ASPHD1: variants seen among roughly 807,000 people sequenced by gnomAD.
ASPHD1 encodes the protein aspartate beta-hydroxylase domain containing 1.
ASPHD1 carries 20 observed loss-of-function variants against 28.3 expected under a neutral mutation model. The observed-to-expected ratio is 0.71, with a 90% confidence interval of 0.50 to 1.03. The LOEUF is 1.03. ASPHD1 is among the 50% of genes least tolerant of loss of function. The pLI, the probability that ASPHD1 is intolerant of heterozygous loss-of-function variation, is 0.00. For synonymous variants in ASPHD1, 240 were observed against 221.2 expected, an observed-to-expected ratio of 1.08 and a Z score of -0.75; for missense variants, 479 against 524.1, an observed-to-expected ratio of 0.91 and a Z score of 0.84.
rs1597002078 is a variant in ASPHD1, at chr16:29,901,075, A to G, written c.104A>G (p.Gln35Arg). The G allele has an allele frequency of 1.2e-6, 2 of 1,607,634 alleles. No homozygotes were observed. Among genetic ancestry groups the G allele is most frequent in the Non-Finnish European group, 1.7e-6 (2 of 1,177,338 alleles). The change falls in exon 1 of 3, where the codon CAG becomes CGG. Residue 35 changes from glutamine to arginine, a missense_variant. Physicochemically the swap from Gln to Arg is conservative, Grantham distance 43. Transcript: ENST00000308748. The surrounding 1 kb of genome is among the most constrained non-coding windows in gnomAD (Gnocchi z 5.1). Reference protein sequence around the residue: ...MWKGNSPAGSQGAAMEGTGGE... With the variant: ...MWKGNSPAGSRGAAMEGTGGE... ...AAGGGAAACAGTCCAGCGGGGAGCCAGGGGGCAGCCATGGAAGGGACAGGT... is the reference window on the plus strand; with the variant it reads ...AAGGGAAACAGTCCAGCGGGGAGCCGGGGGGCAGCCATGGAAGGGACAGGT...
At chr16:29,912,865 G>A (rs1358484841) in intron 3 of ASPHD1, among the ~76,000 whole-genome samples, 1 of 152,198 alleles carries the variant, frequency 6.6e-6, no homozygotes, top group Non-Finnish European at 1.5e-5. Context: ...TGTATTTGTT[G>A]AATGAATGAA....
At chr16:29,905,310 AGTTT>A (rs1351263820) in intron 2 of ASPHD1, among the ~76,000 whole-genome samples, 4 of 152,136 alleles carry the variant, frequency 2.6e-5, no homozygotes, top group African/African-American at 9.7e-5. Context: ...GTAATACCAC[AGTTT>A]GTTTTGATGA....
At chr16:29,906,795 C>G (rs970964740), downstream of ASPHD1, 2 of 1,337,908 alleles carry the variant, frequency 1.5e-6, no homozygotes, top group African/African-American at 2.9e-5. Flanking sequence ...AGAGCCGGGG[C>G]AAAAGTCTGG....
chr16:29,906,814 G>C, downstream of ASPHD1: 1 of 1,480,406 alleles, frequency 6.8e-7, no homozygotes, highest in Non-Finnish European at 9.4e-7. Flanking sequence ...GGGAAGGGGA[G>C]GGAAAGAGAG....
At position 29,901,595 on chromosome 16, in the gene ASPHD1, C is replaced by T; in HGVS notation, c.624C>T (p.His208=). The T allele has an allele frequency of 1.3e-6, 2 of 1,545,044 alleles. No homozygotes were observed. Among genetic ancestry groups the T allele is most frequent in the Non-Finnish European group, 1.7e-6 (2 of 1,154,448 alleles). Residue 208 remains histidine, a synonymous_variant, in exon 1 of 3, where the codon CAC becomes CAT. Coordinates refer to ENST00000308748, the MANE Select transcript of ASPHD1 (RefSeq NM_181718.4). This position sits in a 1 kb window ranked among gnomAD's most constrained non-coding sequence, Gnocchi z 5.1. ...TTGTGCCGCGGGACGCCCAGCGGCA[C>T]GACGTGGAGCTCCTGGAGAGCAGCT... ...APFVPRDAQR[H]DVELLESSFP...
downstream of ASPHD1, among the ~76,000 whole-genome samples, chr16:29,908,761 G>A (rs1193620985): frequency 6.6e-6 from 1 of 151,436 alleles, no homozygotes; most frequent in African/African-American, 2.4e-5. Context: ...GGAGTGCAGT[G>A]GTGTGATCAT....
At position 29,901,287 on chromosome 16, in the gene ASPHD1, C is replaced by G; in HGVS notation, c.316C>G (p.Leu106Val). ...CCTGGGCTCCCAAGACATGCAGGCC[C>G]TAGGGGCTGGGAGCCGAGCTGGGGG... is the stretch of plus-strand genomic sequence containing the variant. ...YRLGSQDMQA[L>V]GAGSRAGGVR... is the part of the protein sequence containing the mutation. The change falls in exon 1 of 3, where the codon CTA becomes GTA. Residue 106 changes from leucine (L) to valine (V), a missense_variant. Physicochemically the swap from Leu to Val is conservative, Grantham distance 32. Transcript: ENST00000308748. The surrounding 1 kb of genome is among the most constrained non-coding windows in gnomAD (Gnocchi z 5.1). 1 of 1,612,710 alleles carries G rather than the reference C, an allele frequency of 6.2e-7. No homozygotes were observed. Among genetic ancestry groups the G allele is most frequent in the South Asian group, 1.1e-5 (1 of 91,042 alleles).
At chr16:29,912,682 A>G (rs2068737515) in intron 3 of ASPHD1, among the ~76,000 whole-genome samples, 1 of 152,166 alleles carries the variant, frequency 6.6e-6, no homozygotes, top group African/African-American at 2.4e-5. Context: ...TCAGGTGATC[A>G]GCCCGCCTCA....
chr16:29,917,841 G>A (rs143796364), intron 3 of ASPHD1, among the ~76,000 whole-genome samples: 4 of 152,046 alleles, frequency 2.6e-5, no homozygotes, highest in East Asian at 3.9e-4. Flanking sequence ...GCAGCTACTC[G>A]GGAGGCTGAG....
At chr16:29,903,986 TCC>T (rs888310328) in intron 1 of ASPHD1, among the ~76,000 whole-genome samples, 1 of 152,034 alleles carries the variant, frequency 6.6e-6, no homozygotes, top group African/African-American at 2.4e-5. Flanking sequence ...AGCCATTTCC[TCC>T]AGGAAGCCTT....
In ASPHD1 at chr16:29,905,792, C is replaced by T. The variant is rs1391531971; in HGVS notation, c.1068C>T (p.Ser356=). The change falls in exon 3 of 3, where the codon TCC becomes TCT. Residue 356 remains serine (S), a synonymous_variant. Coordinates refer to ENST00000308748, the MANE Select transcript of ASPHD1 (RefSeq NM_181718.4). The stretch of plus-strand genomic sequence containing the variant: ...TTCCTGTCCCATGTGCCCTAGGCTC[C>T]CCCGAAGATGGGCCTCGAGTGGTCT... ...SFLHTVAHNG[S]PEDGPRVVFI... 20 of 1,613,492 alleles carry T rather than the reference C, an allele frequency of 1.2e-5. No individual in the cohort carries two copies. Among genetic ancestry groups the T allele is most frequent in the Non-Finnish European group, 1.6e-5 (19 of 1,179,656 alleles).
chr16:29,916,674 G>A lies in ASPHD1; in HGVS notation c.*63-2857G>A, dbSNP rs371235691. ...AGGTCAGGAGTTCGAGACCAGCCTG[G>A]CCGACAGAGCAAGACTCTGTCTCTA... On this transcript the variant is annotated intron_variant and NMD_transcript_variant, in intron 3 of 3. Coordinates refer to the ASPHD1 transcript ENST00000414952. Among the ~76,000 whole-genome samples, 36 of 152,278 alleles carry A rather than the reference G, an allele frequency of 2.4e-4. No individual in the cohort carries two copies. The East Asian group carries it at 6.4e-3, about 27-fold the overall frequency.
intron 3 of ASPHD1, chr16:29,919,391 G>A (rs2068868255): frequency 6.6e-6 from 1 of 152,122 alleles, no homozygotes; most frequent in Admixed American, 6.6e-5. Flanking sequence ...ACTGTATTAA[G>A]GCAGTTACCT....
chr16:29,907,146 G>C, downstream of ASPHD1: 1 of 1,465,198 alleles, frequency 6.8e-7, no homozygotes, highest in Non-Finnish European at 9.4e-7. Context: ...CTTCCTTCTG[G>C]TGCAGTCACG....
At position 29,904,895 on chromosome 16, in the gene ASPHD1, G is replaced by A; in HGVS notation, c.993G>A (p.Glu331=). 2 of 1,613,146 alleles carry A rather than the reference G, an allele frequency of 1.2e-6. No individual in the cohort carries two copies. The highest frequency in any genetic ancestry group is 1.7e-6 in the Non-Finnish European group (2 of 1,179,780). Reference sequence around the variant, plus strand: ...GCTGTGAGCTGGTGGTCGGCGGTGAGCCCCAGTGCTGGGCTGAGGGGCACT... The same window carrying A: ...GCTGTGAGCTGGTGGTCGGCGGTGAACCCCAGTGCTGGGCTGAGGGGCACT... ...PPGCELVVGG[E]PQCWAEGHCL... Residue 331 remains glutamate, a synonymous_variant, in exon 2 of 3, where the codon GAG becomes GAA. Coordinates refer to ENST00000308748, the MANE Select transcript of ASPHD1 (RefSeq NM_181718.4).
At chr16:29,911,866 G>C (rs746432024) in intron 3 of ASPHD1, 11 of 1,612,142 alleles carry the variant, frequency 6.8e-6, no homozygotes, top group African/African-American at 1.3e-5. Context: ...CTTCACCACG[G>C]GCTGGCGGGG....
At chr16:29,913,880 A>G (rs964896861) in intron 3 of ASPHD1, 1 of 152,138 alleles carries the variant, frequency 6.6e-6, no homozygotes, top group African/African-American at 2.4e-5. Context: ...CCCAGGCTGG[A>G]GTGCAGTGGC....
At chr16:29,905,550 C>G (rs1379935797) in intron 2 of ASPHD1, among the ~76,000 whole-genome samples, 1 of 150,356 alleles carries the variant, frequency 6.7e-6, no homozygotes, top group Non-Finnish European at 1.5e-5. Context: ...ATTGCTTGAA[C>G]CTGGGAGGCC....
chr16:29,918,910 A>G (rs2068860091), intron 3 of ASPHD1, among the ~76,000 whole-genome samples: 1 of 151,278 alleles, frequency 6.6e-6, no homozygotes, highest in Non-Finnish European at 1.5e-5. Flanking sequence ...CACCTGCCTC[A>G]GCCTCCCAAA....
Sources: gnomAD v4.1 joint callset for allele counts (sites outside exome capture counted in the v4.1 genomes callset) on GRCh38, gnomAD v4.1.1 for gene constraint, Gnocchi (gnomAD v3.1) non-coding constraint, MANE v1.5 for transcripts, NCBI Gene and HGNC (gene_info 2026-07-23, HGNC 2026-07-21) for gene names.